KCNH8: variants seen among roughly 807,000 people sequenced by gnomAD.
The protein encoded by KCNH8 is voltage-gated delayed rectifier potassium channel KCNH8.
A neutral mutation model predicts 103.6 loss-of-function variants in KCNH8; 70 were observed. The observed-to-expected ratio is 0.68, with a 90% CI of 0.56 to 0.82. KCNH8 has a LOEUF of 0.82. Ranked by LOEUF, KCNH8 falls within the 40% of genes least tolerant of loss-of-function variation. The pLI is 0.00. For synonymous variants in KCNH8, 498 were observed against 489.4 expected, an observed-to-expected ratio of 1.02 and a Z score of -0.23; for missense variants, 1,217 against 1,329.9, an observed-to-expected ratio of 0.92 and a Z score of 1.32.
intron 5 of KCNH8, among the ~76,000 whole-genome samples, chr3:19,376,592 G>A (rs1056580927): frequency 6.6e-6 from 1 of 152,188 alleles, no homozygotes; most frequent in African/African-American, 2.4e-5. Flanking sequence ...GTAGACCGGA[G>A]CTGTTCCTAT....
chr3:19,470,143 T>C (rs1385898175), intron 11 of KCNH8, among the ~76,000 whole-genome samples: 1 of 152,198 alleles, frequency 6.6e-6, no homozygotes, highest in East Asian at 1.9e-4. Context: ...CCTGTTAAGT[T>C]TGGAGGTAAT....
At chr3:19,359,801 A>G (rs2065925312) in intron 5 of KCNH8, among the ~76,000 whole-genome samples, 2 of 152,070 alleles carry the variant, frequency 1.3e-5, no homozygotes, top group Non-Finnish European at 2.9e-5. Flanking sequence ...GGGTGGGGAA[A>G]GAGTATGTGT....
Position 19,307,036 on chromosome 3 carries a change from G to A in KCNH8, c.442+25707G>A, listed in dbSNP as rs577979057. On this transcript the variant is annotated intron_variant, in intron 3 of 15. Transcript: ENST00000328405. ...ATAGAAAGAGACACATAGACCAAAA[G>A]AACAGAATAGAGAATCCAGAAACGA... Among the ~76,000 whole-genome samples the A allele has an allele frequency of 7.2e-5, 11 of 151,954 alleles. No individual in the cohort carries two copies. The South Asian group carries it at 1.9e-3, about 26-fold the overall frequency.
chr3:19,370,392 A>C (rs1232446165), intron 5 of KCNH8, among the ~76,000 whole-genome samples: 1 of 152,098 alleles, frequency 6.6e-6, no homozygotes, highest in Non-Finnish European at 1.5e-5. Flanking sequence ...GTTTCGTTTT[A>C]ATTAAGTGAA....
chr3:19,342,490 C>T, intron 3 of KCNH8, 97 bp from the exon 4 acceptor site: 5 of 1,204,666 alleles, frequency 4.2e-6, no homozygotes, highest in Non-Finnish European at 5.7e-6. Flanking sequence ...TATTGGAAAA[C>T]ATGTACAATA....
At chr3:19,320,123 C>G (rs1464860737) in intron 3 of KCNH8, among the ~76,000 whole-genome samples, 4 of 152,018 alleles carry the variant, frequency 2.6e-5, no homozygotes. Context: ...GCTTGACTTG[C>G]TCTTTACTGA....
At chr3:19,258,053 C>T (rs1442410385) in intron 2 of KCNH8, among the ~76,000 whole-genome samples, 1 of 151,956 alleles carries the variant, frequency 6.6e-6, no homozygotes, top group Non-Finnish European at 1.5e-5. Context: ...GGGTATCAGT[C>T]ACATTGGATT....
At chr3:19,199,707 C>A (rs11914411) in intron 1 of KCNH8, among the ~76,000 whole-genome samples, 6,263 of 151,682 alleles carry the variant, frequency 0.041, 463 homozygotes, top group African/African-American at 0.14. Flanking sequence ...GGGACTAGCT[C>A]TTATCCTTAT....
chr3:19,361,818 A>C (rs546204580), intron 5 of KCNH8, among the ~76,000 whole-genome samples: 2 of 152,156 alleles, frequency 1.3e-5, no homozygotes, highest in South Asian at 4.1e-4. Context: ...AAATTTTTCT[A>C]TCTCAGAATC....
intron 12 of KCNH8, among the ~76,000 whole-genome samples, chr3:19,511,298 A>G (rs181876850): frequency 3.9e-5 from 6 of 152,224 alleles, no homozygotes; most frequent in East Asian, 1.9e-4. Context: ...TTGTGAGTCA[A>G]TATCTAAGCA....
At chr3:19,171,235 T>C (rs2063345679) in intron 1 of KCNH8, among the ~76,000 whole-genome samples, 1 of 152,192 alleles carries the variant, frequency 6.6e-6, no homozygotes, top group South Asian at 2.1e-4. Context: ...GAGTAATTTC[T>C]TTTCCGGAAC....
intron 1 of KCNH8, among the ~76,000 whole-genome samples, chr3:19,249,414 A>G (rs2064248328): frequency 6.6e-6 from 1 of 152,238 alleles, no homozygotes; most frequent in Non-Finnish European, 1.5e-5. Context: ...CACATCGAGG[A>G]CAAGTGCTAA....
At chr3:19,387,910 A>C (rs1374501369) in intron 5 of KCNH8, among the ~76,000 whole-genome samples, 1 of 151,786 alleles carries the variant, frequency 6.6e-6, no homozygotes, top group African/African-American at 2.4e-5. Context: ...ATATTCTCTA[A>C]TGACTTACCC....
intron 11 of KCNH8, among the ~76,000 whole-genome samples, chr3:19,464,618 T>C (rs1339876719): frequency 6.6e-6 from 1 of 152,080 alleles, no homozygotes; most frequent in Admixed American, 6.6e-5. Flanking sequence ...GATATTTGCA[T>C]CACATATATT....
chr3:19,436,269 CA>C (rs903782308), intron 7 of KCNH8, among the ~76,000 whole-genome samples: 3 of 151,772 alleles, frequency 2.0e-5, no homozygotes, highest in Non-Finnish European at 4.4e-5. Flanking sequence ...TTTTTTCATT[CA>C]AAATGTTCTT....
intron 3 of KCNH8, among the ~76,000 whole-genome samples, chr3:19,296,837 C>T (rs2065001868): frequency 6.6e-6 from 1 of 151,298 alleles, no homozygotes; most frequent in Non-Finnish European, 1.5e-5. Flanking sequence ...CACCCAAAAC[C>T]TATGAAATTA....
chr3:19,461,313 A>G (rs1400608356), intron 11 of KCNH8, among the ~76,000 whole-genome samples: 1 of 152,156 alleles, frequency 6.6e-6, no homozygotes, highest in African/African-American at 2.4e-5. Context: ...TAAGGGCTAG[A>G]TAAGTTTGGA....
intron 8 of KCNH8, among the ~76,000 whole-genome samples, chr3:19,448,051 A>G (rs1246820917): frequency 3.9e-5 from 6 of 151,976 alleles, no homozygotes; most frequent in Non-Finnish European, 8.8e-5. Context: ...TTTTCCCCAA[A>G]TTTAATTGCA....
At chr3:19,398,746 T>C (rs561467363) in intron 7 of KCNH8, among the ~76,000 whole-genome samples, 4 of 152,084 alleles carry the variant, frequency 2.6e-5, no homozygotes, top group Admixed American at 2.6e-4. Flanking sequence ...ATAAAGCATT[T>C]ATATTGGTAT....
Sources: allele counts gnomAD v4.1 joint callset (sites outside exome capture counted in the v4.1 genomes callset), GRCh38; gene constraint gnomAD v4.1.1; transcripts MANE v1.5; gene names NCBI Gene and HGNC (gene_info 2026-07-23, HGNC 2026-07-21).